The following KIF26B variants were observed in gnomAD, a reference collection of about 807,000 sequenced individuals.
KIF26B encodes the protein kinesin family member 26B.
Under a neutral mutation model 151.2 loss-of-function variants are expected in KIF26B, and 63 were observed. The observed-to-expected ratio is 0.42, with a 90% CI of 0.34 to 0.51. The LOEUF (loss-of-function observed/expected upper bound fraction) is 0.51. Ranked by LOEUF, KIF26B falls within the 20% of genes least tolerant of loss-of-function variation. KIF26B has a pLI of 0.07. For missense variants in KIF26B, 2,813 were observed against 2,913.6 expected (o/e 0.97, Z 0.79); for synonymous variants, 1,357 against 1,262.1 (o/e 1.08, Z -1.59).
chr1:245,562,590 C>G (rs1415990008), intron 5 of KIF26B, among the ~76,000 whole-genome samples: 1 of 149,478 alleles, frequency 6.7e-6, no homozygotes, highest in Non-Finnish European at 1.5e-5. Context: ...CAAGCCCCGC[C>G]CCCCCCTTCC....
intron 9 of KIF26B, among the ~76,000 whole-genome samples, chr1:245,634,672 T>A (rs1009314688): frequency 2.0e-5 from 3 of 152,134 alleles, no homozygotes; most frequent in African/African-American, 7.2e-5. Context: ...GAAATAAACC[T>A]CACTTGCTCA....
At chr1:245,643,046 A>T (rs1487985810) in intron 9 of KIF26B, among the ~76,000 whole-genome samples, 3 of 152,196 alleles carry the variant, frequency 2.0e-5, no homozygotes, top group Admixed American at 6.5e-5. Context: ...TGGTAGATCC[A>T]CTCCAGCTCT....
At chr1:245,247,975 C>T (rs140056702) in intron 2 of KIF26B, among the ~76,000 whole-genome samples, 8 of 152,184 alleles carry the variant, frequency 5.3e-5, no homozygotes, top group African/African-American at 1.9e-4. Flanking sequence ...GGTCCTCAGT[C>T]TCACTGGGTG....
At chr1:245,347,229 C>T (rs1322204987) in intron 2 of KIF26B, among the ~76,000 whole-genome samples, 1 of 152,184 alleles carries the variant, frequency 6.6e-6, no homozygotes, top group Non-Finnish European at 1.5e-5. Context: ...TACAAAAATG[C>T]TATTATAACT....
intron 5 of KIF26B, among the ~76,000 whole-genome samples, chr1:245,588,467 G>A (rs576720211): frequency 5.9e-5 from 9 of 152,214 alleles, no homozygotes; most frequent in African/African-American, 1.9e-4. Context: ...TCTCATTAGC[G>A]TTTGCTCCTT....
intron 3 of KIF26B, among the ~76,000 whole-genome samples, chr1:245,410,151 G>A (rs1674241137): frequency 6.6e-6 from 1 of 152,162 alleles, no homozygotes; most frequent in African/African-American, 2.4e-5. Context: ...CCTCTTCTCC[G>A]AGCTTAGCTC....
intron 4 of KIF26B, among the ~76,000 whole-genome samples, chr1:245,506,761 A>G (rs548914238): frequency 6.6e-6 from 1 of 152,104 alleles, no homozygotes; most frequent in South Asian, 2.1e-4. Context: ...GCCCACTGCA[A>G]CCTCCACCTC....
At chr1:245,197,869 G>A (rs918445173) in intron 2 of KIF26B, among the ~76,000 whole-genome samples, 1 of 152,140 alleles carries the variant, frequency 6.6e-6, no homozygotes. Flanking sequence ...TTTTTCTGGT[G>A]TCCTCAAAAT....
chr1:245,178,171 A>G (rs2103526009), intron 2 of KIF26B, among the ~76,000 whole-genome samples: 1 of 152,292 alleles, frequency 6.6e-6, no homozygotes, highest in South Asian at 2.1e-4. Context: ...CTACGCTTTG[A>G]GCCACTTATT....
chr1:245,687,426 C>T lies in KIF26B; in HGVS notation c.4443C>T (p.Asp1481=), dbSNP rs912633386. The T allele has an allele frequency of 8.2e-6, 13 of 1,588,396 alleles. No homozygotes were observed. The highest frequency in any genetic ancestry group is 2.3e-5 in the East Asian group (1 of 43,568). ...AGACCAGAGCAGAGCAGGAGCAGGA[C>T]GGAAAGCCCAGTCCGGGAGACAGGC... ...NAETRAEQEQ[D]GKPSPGDRLS... is the part of the protein sequence containing the mutation. The change falls in exon 12 of 15, where the codon GAC becomes GAT. Residue 1481 remains aspartate (D), a synonymous_variant. Transcript: ENST00000407071. This position sits in a 1 kb window ranked among gnomAD's most constrained non-coding sequence, Gnocchi z 4.9.
intron 10 of KIF26B, among the ~76,000 whole-genome samples, chr1:245,681,561 G>C (rs1274677927): frequency 6.6e-6 from 1 of 152,150 alleles, no homozygotes. Context: ...GGAGATACAG[G>C]GGGATGCGCC....
intron 5 of KIF26B, among the ~76,000 whole-genome samples, chr1:245,578,927 G>T (rs768989281): frequency 3.3e-5 from 5 of 152,118 alleles, no homozygotes; most frequent in Admixed American, 2.0e-4. Context: ...ATGACTTTTG[G>T]GTTGGAAAAA....
intron 6 of KIF26B, among the ~76,000 whole-genome samples, chr1:245,604,188 GC>G (rs1177145719): frequency 1.3e-5 from 2 of 152,162 alleles, no homozygotes; most frequent in Non-Finnish European, 2.9e-5. Context: ...AGTTTCTAGT[GC>G]TTATCAAGAT....
chr1:245,266,571 A>G (rs2102960721), intron 2 of KIF26B, among the ~76,000 whole-genome samples: 1 of 151,198 alleles, frequency 6.6e-6, no homozygotes, highest in South Asian at 2.1e-4. Flanking sequence ...GCAGTGGCGC[A>G]ATCTTGGCTC....
At chr1:245,622,384 G>C (rs1182627070) in intron 9 of KIF26B, among the ~76,000 whole-genome samples, 1 of 152,152 alleles carries the variant, frequency 6.6e-6, no homozygotes, top group East Asian at 1.9e-4. Flanking sequence ...TTTGAGGATA[G>C]GAAGGGGTGG....
chr1:245,191,086 AAGAG>A (rs1669101109), intron 2 of KIF26B, among the ~76,000 whole-genome samples: 1 of 145,954 alleles, frequency 6.9e-6, no homozygotes, highest in Non-Finnish European at 1.5e-5. Context: ...AAAAAAAAAA[AAGAG>A]ATAAGAACCA....
At chr1:245,615,678 C>T (rs2043581338) in intron 9 of KIF26B, among the ~76,000 whole-genome samples, 1 of 152,206 alleles carries the variant, frequency 6.6e-6, no homozygotes, top group Non-Finnish European at 1.5e-5. Context: ...GTTTCCAAAA[C>T]CTCGGTTAGG....
At chr1:245,548,411 A>C (rs1441044938) in intron 5 of KIF26B, among the ~76,000 whole-genome samples, 1 of 152,158 alleles carries the variant, frequency 6.6e-6, no homozygotes, top group Non-Finnish European at 1.5e-5. Flanking sequence ...CGTGACCAGA[A>C]CCCAGTGGTC....
chr1:245,605,724 C>T (rs1255114724), intron 6 of KIF26B, among the ~76,000 whole-genome samples: 1 of 152,110 alleles, frequency 6.6e-6, no homozygotes. Flanking sequence ...CAAGGGGCCT[C>T]CGGGGCCCCT....
Sources: allele counts gnomAD v4.1 joint callset (sites outside exome capture counted in the v4.1 genomes callset), GRCh38; gene constraint gnomAD v4.1.1; non-coding constraint Gnocchi (gnomAD v3.1); transcripts MANE v1.5; gene names NCBI Gene and HGNC (gene_info 2026-07-23, HGNC 2026-07-21).